The following RIMKLB variants were observed in gnomAD, a reference collection of about 807,000 sequenced individuals.
The protein encoded by RIMKLB is ribosomal modification protein rimK like family member B, also known as beta-citrylglutamate synthase B.
Under a neutral mutation model 32.0 loss-of-function variants are expected in RIMKLB, and 7 were observed. That is an observed-to-expected ratio of 0.22 (90% confidence interval 0.12 to 0.41). The LOEUF is 0.41. RIMKLB is among the 10% of genes least tolerant of loss of function. The pLI, the probability that RIMKLB is intolerant of heterozygous loss-of-function variation, is 1.00. For missense variants in RIMKLB, 289 were observed against 498.7 expected, an observed-to-expected ratio of 0.58 and a Z score of 4.00; for synonymous variants, 172 against 185.1, an observed-to-expected ratio of 0.93 and a Z score of 0.57.
intron 5 of RIMKLB, among the ~76,000 whole-genome samples, chr12:8,763,176 T>C (rs1272186921): frequency 6.6e-6 from 1 of 152,254 alleles, no homozygotes; most frequent in Non-Finnish European, 1.5e-5. Flanking sequence ...CCATAAACAA[T>C]GAGGCTAACC....
chr12:8,697,533 G>A, upstream of RIMKLB: 1 of 154,486 alleles, frequency 6.5e-6, no homozygotes, highest in South Asian at 1.7e-4. Flanking sequence ...TGTGAGGGCG[G>A]GGAGGGCGTA....
chr12:8,706,327 A>G (rs1192968441), intron 1 of RIMKLB, among the ~76,000 whole-genome samples: 1 of 151,332 alleles, frequency 6.6e-6, no homozygotes, highest in Non-Finnish European at 1.5e-5. Flanking sequence ...TTTAGTAGAG[A>G]TGGGGTTTCA....
chr12:8,703,044 G>C (rs1015251908), intron 1 of RIMKLB, among the ~76,000 whole-genome samples: 2 of 152,352 alleles, frequency 1.3e-5, no homozygotes, highest in Admixed American at 6.5e-5. Flanking sequence ...CCAACACTTT[G>C]TGGGGCCAAG....
At chr12:8,741,942 TGA>T (rs1947589544) in intron 2 of RIMKLB, among the ~76,000 whole-genome samples, 1 of 151,790 alleles carries the variant, frequency 6.6e-6, no homozygotes, top group East Asian at 1.9e-4. Context: ...TTGTTTTTTT[TGA>T]GAGAGTCTTG....
At chr12:8,674,982 G>C in the RIMKLB span, among the ~76,000 whole-genome samples, 1 of 150,072 alleles carries the variant, frequency 6.7e-6, no homozygotes, top group Non-Finnish European at 1.5e-5. Flanking sequence ...TCCTGCCTCA[G>C]CCTCCCGAGT....
intron 7 of RIMKLB, chr12:8,782,825 T>A (rs1048522361): frequency 1.3e-5 from 2 of 152,186 alleles, no homozygotes; most frequent in Non-Finnish European, 2.9e-5. Context: ...TTAGTTGATT[T>A]TCTGTCTTTA....
At chr12:8,720,545 CGT>C (rs375865590) in intron 2 of RIMKLB, among the ~76,000 whole-genome samples, 1 of 152,002 alleles carries the variant, frequency 6.6e-6, no homozygotes, top group South Asian at 2.1e-4. Flanking sequence ...CATTATCCCT[CGT>C]GTGTGTGTGT....
chr12:8,780,041 T>G (rs1024116164), downstream of RIMKLB: 1 of 152,214 alleles, frequency 6.6e-6, no homozygotes. Context: ...GTAGGTGGCG[T>G]ATGTGTTCGT....
At chr12:8,767,822 G>A (rs1950095586) in intron 5 of RIMKLB, among the ~76,000 whole-genome samples, 1 of 152,182 alleles carries the variant, frequency 6.6e-6, no homozygotes, top group Non-Finnish European at 1.5e-5. Flanking sequence ...TCTTAAGTCT[G>A]GCGGCCATGC....
At chr12:8,741,562 G>A (rs1286137462) in intron 2 of RIMKLB, among the ~76,000 whole-genome samples, 1 of 151,636 alleles carries the variant, frequency 6.6e-6, no homozygotes, top group Non-Finnish European at 1.5e-5. Context: ...GGTGGATCAC[G>A]GGGTCAGGAG....
the RIMKLB span, among the ~76,000 whole-genome samples, chr12:8,671,667 C>T: frequency 6.6e-6 from 1 of 152,128 alleles, no homozygotes; most frequent in African/African-American, 2.4e-5. Context: ...AATCCCAGCA[C>T]TTTGGGAGGC....
At chr12:8,755,987 C>G (rs987181185) in intron 5 of RIMKLB, among the ~76,000 whole-genome samples, 3 of 152,026 alleles carry the variant, frequency 2.0e-5, no homozygotes, top group Non-Finnish European at 2.9e-5. Context: ...AACCCCATCT[C>G]TACTAAAAAT....
chr12:8,761,812 C>T (rs1261366207), intron 5 of RIMKLB, among the ~76,000 whole-genome samples: 1 of 152,092 alleles, frequency 6.6e-6, no homozygotes, highest in African/African-American at 2.4e-5. Flanking sequence ...TTAACTGCTT[C>T]CTGCTGAATT....
chr12:8,710,980 A>AG (rs1944325669), intron 1 of RIMKLB, among the ~76,000 whole-genome samples: 1 of 151,750 alleles, frequency 6.6e-6, no homozygotes, highest in African/African-American at 2.4e-5. Context: ...AAAAAAAAAA[A>AG]AAAAAAAAAT....
Position 8,776,786 on chromosome 12 carries a change from A to G in RIMKLB, c.*3002A>G, listed in dbSNP as rs58866787. On this transcript the variant is annotated 3_prime_UTR_variant, in exon 6 of 6. Transcript: ENST00000535829. ...AATAAGAAAACTACCCTGGAACAGT[A>G]GAAAAACCCAACAAGAGACTTGGCA... 7.3e-3 allele frequency: 7,221 copies of G among 985,452 alleles called. 371 individuals are homozygous for G. In the African/African-American group the frequency reaches 0.11, roughly 15 times the overall value. The allele number at this position is 985,452 out of a possible 1,614,324, so 61.0% of individuals were successfully genotyped here.
chr12:8,694,302 T>C (rs966523740), upstream of RIMKLB, among the ~76,000 whole-genome samples: 1 of 151,830 alleles, frequency 6.6e-6, no homozygotes, highest in Non-Finnish European at 1.5e-5. Flanking sequence ...GGTCTTGGAC[T>C]CGTGTATTCA....
intron 2 of RIMKLB, among the ~76,000 whole-genome samples, chr12:8,730,602 C>T (rs533180899): frequency 2.0e-5 from 3 of 152,188 alleles, no homozygotes; most frequent in Non-Finnish European, 4.4e-5. Context: ...ATGAGATCTG[C>T]CCTACACCCT....
chr12:8,701,647 CTTTTT>C (rs752751224), intron 1 of RIMKLB, among the ~76,000 whole-genome samples: 2 of 124,724 alleles, frequency 1.6e-5, no homozygotes, highest in South Asian at 2.6e-4. Context: ...GGCCTGATCT[CTTTTT>C]TTTTTTTTTT....
rs1403436585 is a variant in RIMKLB, at chr12:8,776,014, CTTAA to C, written c.*2235_*2238del. The stretch of plus-strand genomic sequence containing the variant: ...GAAATAAATGAGGAAGAAAGAACTG[CTTAA>C]TTAAATTATCATTCATATGTTCATA... On this transcript the variant is annotated 3_prime_UTR_variant, in exon 6 of 6. Coordinates refer to ENST00000535829, the MANE Select transcript of RIMKLB (RefSeq NM_001297776.2). The C allele has an allele frequency of 8.1e-6, 8 of 984,160 alleles. No individual in the cohort carries two copies. Among genetic ancestry groups the C allele is most frequent in the South Asian group, 9.4e-5 (2 of 21,258 alleles). The allele number at this position is 984,160 out of a possible 1,614,324, so 61.0% of individuals were successfully genotyped here.
Sources: allele counts gnomAD v4.1 joint callset (sites outside exome capture counted in the v4.1 genomes callset), GRCh38; gene constraint gnomAD v4.1.1; transcripts MANE v1.5; gene names NCBI Gene and HGNC (gene_info 2026-07-23, HGNC 2026-07-21).